The following PPP3CA variants were observed in gnomAD, a reference collection of about 807,000 sequenced individuals.
PPP3CA encodes the protein protein phosphatase 3 catalytic subunit alpha.
Under a neutral mutation model 66.5 loss-of-function variants are expected in PPP3CA, and 14 were observed. The observed-to-expected ratio is 0.21, with a 90% confidence interval of 0.14 to 0.33. The LOEUF is 0.33. Ranked by LOEUF, PPP3CA falls within the 10% of genes least tolerant of loss-of-function variation. PPP3CA has a pLI of 1.00. For missense variants in PPP3CA, 317 were observed against 639.5 expected, an observed-to-expected ratio of 0.50 and a Z score of 5.44; for synonymous variants, 232 against 226.2, an observed-to-expected ratio of 1.03 and a Z score of -0.23.
intron 1 of PPP3CA, among the ~76,000 whole-genome samples, chr4:101,316,981 G>A (rs993855584): frequency 6.6e-6 from 1 of 152,142 alleles, no homozygotes; most frequent in Non-Finnish European, 1.5e-5. Flanking sequence ...AGAGGAAGGA[G>A]TCATTTCACA....
At chr4:101,117,793 T>C (rs1008819957) in intron 2 of PPP3CA, among the ~76,000 whole-genome samples, 2 of 151,980 alleles carry the variant, frequency 1.3e-5, no homozygotes, top group Non-Finnish European at 2.9e-5. Flanking sequence ...CAGTGGCTAT[T>C]TGATATGTGA....
chr4:101,320,507 CACACAT>C (rs1403343470), intron 1 of PPP3CA, among the ~76,000 whole-genome samples: 2 of 151,320 alleles, frequency 1.3e-5, no homozygotes, highest in Admixed American at 6.6e-5. Flanking sequence ...CACACACACA[CACACAT>C]ACACAGACAA....
chr4:101,027,517 T>C (rs1397638327), intron 13 of PPP3CA, among the ~76,000 whole-genome samples: 1 of 152,158 alleles, frequency 6.6e-6, no homozygotes, highest in Non-Finnish European at 1.5e-5. Flanking sequence ...GCTTGTTAAT[T>C]CTTCTCTAAT....
At chr4:101,215,368 C>A (rs1319225630) in intron 1 of PPP3CA, among the ~76,000 whole-genome samples, 1 of 151,982 alleles carries the variant, frequency 6.6e-6, no homozygotes, top group African/African-American at 2.4e-5. Flanking sequence ...TTGGATGTAA[C>A]TAAATCAGGT....
intron 12 of PPP3CA, 89 bp downstream of exon 12, chr4:101,032,178 A>C: frequency 9.7e-7 from 1 of 1,028,668 alleles, no homozygotes; most frequent in Non-Finnish European, 1.3e-6. Flanking sequence ...AGACCAAGAC[A>C]GAGCTTAAAT....
In PPP3CA at chr4:101,079,156, G is replaced by A. The variant is rs566398080; in HGVS notation, c.955+1376C>T. On this transcript the variant is annotated intron_variant, in intron 8 of 13. Transcript: ENST00000394854. ...AACAAAGGACTAAGGACATTCAACA[G>A]GTGCTTGGGAATAAAGGTGGCCAAG... is the stretch of plus-strand genomic sequence containing the variant. 2.0e-5 allele frequency among the ~76,000 whole-genome samples: 3 copies of A among 152,292 alleles called. No homozygotes were observed. In the East Asian group the frequency reaches 5.8e-4, roughly 29 times the overall value.
intron 2 of PPP3CA, among the ~76,000 whole-genome samples, chr4:101,120,799 T>C (rs1722001712): frequency 6.6e-6 from 1 of 152,098 alleles, no homozygotes; most frequent in South Asian, 2.1e-4. Context: ...TTTGTTTACC[T>C]CTATAAAACA....
intron 2 of PPP3CA, among the ~76,000 whole-genome samples, chr4:101,161,598 CAT>C (rs1255054336): frequency 6.6e-6 from 1 of 151,986 alleles, no homozygotes; most frequent in African/African-American, 2.4e-5. Flanking sequence ...TAAATACAGA[CAT>C]AAAAAAATGC....
At chr4:101,305,565 A>T (rs2110303972) in intron 1 of PPP3CA, among the ~76,000 whole-genome samples, 1 of 152,342 alleles carries the variant, frequency 6.6e-6, no homozygotes, top group Non-Finnish European at 1.5e-5. Context: ...AGGCTAACTG[A>T]TGAGAAAGCC....
At chr4:101,287,177 AACTG>A (rs1727870563) in intron 1 of PPP3CA, among the ~76,000 whole-genome samples, 1 of 152,222 alleles carries the variant, frequency 6.6e-6, no homozygotes, top group Non-Finnish European at 1.5e-5. Flanking sequence ...GAAACCCAGT[AACTG>A]ACAGACAAAA....
At chr4:101,153,109 G>A (rs1393969472) in intron 2 of PPP3CA, among the ~76,000 whole-genome samples, 5 of 152,140 alleles carry the variant, frequency 3.3e-5, no homozygotes, top group African/African-American at 1.2e-4. Context: ...GCAGTCCTCT[G>A]AGCATTCGGG....
intron 8 of PPP3CA, among the ~76,000 whole-genome samples, chr4:101,063,807 A>G (rs1728570816): frequency 6.6e-6 from 1 of 151,944 alleles, no homozygotes; most frequent in African/African-American, 2.4e-5. Flanking sequence ...AAAATAGTTT[A>G]AGTTAGATTG....
At chr4:101,193,367 A>G (rs933214571) in intron 2 of PPP3CA, among the ~76,000 whole-genome samples, 1 of 152,232 alleles carries the variant, frequency 6.6e-6, no homozygotes, top group African/African-American at 2.4e-5. Flanking sequence ...TGGGAAAAAA[A>G]TGTCAAAGAG....
chr4:101,042,202 C>G (rs924463068), intron 10 of PPP3CA, among the ~76,000 whole-genome samples: 1 of 143,438 alleles, frequency 7.0e-6, no homozygotes, highest in African/African-American at 2.6e-5. Flanking sequence ...TTGCCCTCCA[C>G]TCCAAGAAAG....
intron 2 of PPP3CA, among the ~76,000 whole-genome samples, chr4:101,159,450 G>C (rs557700721): frequency 1.3e-4 from 20 of 152,164 alleles, no homozygotes; most frequent in African/African-American, 4.8e-4. Flanking sequence ...TTATCTAAGG[G>C]GAAGAGACCA....
chr4:101,155,043 T>C (rs886629588), intron 2 of PPP3CA, among the ~76,000 whole-genome samples: 2 of 152,026 alleles, frequency 1.3e-5, no homozygotes, highest in Admixed American at 6.6e-5. Context: ...TCTCAATTTC[T>C]TGACCTCATG....
At chr4:101,057,917 T>C (rs1358345080) in intron 10 of PPP3CA, among the ~76,000 whole-genome samples, 1 of 152,188 alleles carries the variant, frequency 6.6e-6, no homozygotes, top group East Asian at 1.9e-4. Flanking sequence ...GGATCTTTTC[T>C]TTTCACCTCT....
At chr4:101,224,625 T>C (rs1266936769) in intron 1 of PPP3CA, among the ~76,000 whole-genome samples, 1 of 151,826 alleles carries the variant, frequency 6.6e-6, no homozygotes, top group Non-Finnish European at 1.5e-5. Flanking sequence ...CACCTGAAGC[T>C]GGACTTTGAA....
chr4:101,142,963 G>A (rs1722855751), intron 2 of PPP3CA, among the ~76,000 whole-genome samples: 1 of 152,094 alleles, frequency 6.6e-6, no homozygotes, highest in South Asian at 2.1e-4. Context: ...CTTAATCCCT[G>A]TGCTGATCTC....
Sources: gnomAD v4.1 joint callset for allele counts (sites outside exome capture counted in the v4.1 genomes callset) on GRCh38, gnomAD v4.1.1 for gene constraint, MANE v1.5 for transcripts, NCBI Gene and HGNC (gene_info 2026-07-23, HGNC 2026-07-21) for gene names.